KLHL2: variants seen among roughly 807,000 people sequenced by gnomAD.
KLHL2 encodes kelch-like protein 2.
KLHL2 carries 15 observed loss-of-function variants against 75.8 expected under a neutral mutation model. The ratio of observed to expected loss-of-function variants is 0.20; its 90% CI spans 0.13 to 0.30. The LOEUF is 0.30. Among genes scored for constraint, KLHL2 ranks in the 10% least tolerant of loss-of-function variants. KLHL2 has a pLI of 1.00. For missense variants in KLHL2, 381 were observed against 741.0 expected, an observed-to-expected ratio of 0.51 and a Z score of 5.64; for synonymous variants, 214 against 251.9, an observed-to-expected ratio of 0.85 and a Z score of 1.42.
chr4:165,310,375 C>T (rs567669234), intron 9 of KLHL2, among the ~76,000 whole-genome samples, 178 bp from the exon 10 acceptor site: 19 of 152,200 alleles, frequency 1.2e-4, no homozygotes, highest in Admixed American at 9.8e-4. Context: ...GAAAGAAAGA[C>T]AATTTAGTGA....
At position 165,207,785 on chromosome 4, in the gene KLHL2, G is replaced by A; in HGVS notation, c.-92G>A. The A allele has an allele frequency of 8.5e-7, 1 of 1,178,080 alleles. No individual in the cohort carries two copies. The highest frequency in any genetic ancestry group is 1.6e-5 in the South Asian group (1 of 63,666). 73.0% of individuals were successfully genotyped at this position (1,178,080 alleles called of 1,614,324 possible). ...CCCCCTCCGGGGCGGATGGAACGCG[G>A]CTCGGCGGGCGGGCAGTGCCGGCGT... On this transcript the variant is annotated 5_prime_UTR_variant, in exon 1 of 15. Coordinates refer to ENST00000226725, the MANE Select transcript of KLHL2 (RefSeq NM_007246.4). This position sits in a 1 kb window ranked among gnomAD's most constrained non-coding sequence, Gnocchi z 4.2.
At chr4:165,310,923 C>T (rs527752041) in intron 10 of KLHL2, among the ~76,000 whole-genome samples, 173 bp downstream of exon 10, 7 of 148,828 alleles carry the variant, frequency 4.7e-5, no homozygotes, top group East Asian at 4.0e-4. Context: ...GGCGCAATCT[C>T]GGCTCACTGC....
At chr4:165,258,321 T>G (rs1349702377) in intron 4 of KLHL2, among the ~76,000 whole-genome samples, 2 of 151,930 alleles carry the variant, frequency 1.3e-5, no homozygotes, top group Admixed American at 1.3e-4. Context: ...GGGCAGAATT[T>G]TTTTTTTCAT....
Position 165,263,070 on chromosome 4 carries a change from A to G in KLHL2, c.382-127A>G, listed in dbSNP as rs868239437. 4.6e-6 allele frequency: 3 copies of G among 653,310 alleles called. No homozygotes were observed. The South Asian group carries it at 7.4e-5, about 16-fold the overall frequency. 40.5% of individuals were successfully genotyped at this position (653,310 alleles called of 1,614,324 possible). Reference sequence around the variant, plus strand: ...AAAATAATTTTTATATTTGTTTTCTAGGGAATATGGGGGTATGGACGCAGA... The same window carrying G: ...AAAATAATTTTTATATTTGTTTTCTGGGGAATATGGGGGTATGGACGCAGA... On this transcript the variant is annotated intron_variant, in intron 4 of 14. Coordinates refer to ENST00000226725, the MANE Select transcript of KLHL2 (RefSeq NM_007246.4).
intron 7 of KLHL2, among the ~76,000 whole-genome samples, chr4:165,298,659 G>A (rs1166223295): frequency 6.6e-6 from 1 of 151,918 alleles, no homozygotes; most frequent in Non-Finnish European, 1.5e-5. Context: ...ATCCAAAAGG[G>A]TGGGTGCGGT....
chr4:165,270,270 T>C (rs1742582328), intron 5 of KLHL2, among the ~76,000 whole-genome samples: 1 of 152,192 alleles, frequency 6.6e-6, no homozygotes, highest in African/African-American at 2.4e-5. Flanking sequence ...TAGAACGTGC[T>C]CCTTTAGCTC....
chr4:165,250,696 G>A (rs1740632565), intron 4 of KLHL2, among the ~76,000 whole-genome samples: 1 of 152,158 alleles, frequency 6.6e-6, no homozygotes, highest in Non-Finnish European at 1.5e-5. Context: ...CTCTATAAAT[G>A]TTGAGCAGAA....
intron 3 of KLHL2, among the ~76,000 whole-genome samples, chr4:165,229,844 A>G (rs1218539170): frequency 5.3e-5 from 8 of 152,278 alleles, no homozygotes; most frequent in Non-Finnish European, 8.8e-5. Flanking sequence ...TACACAGATG[A>G]AGATGAGTGT....
chr4:165,272,713 C>T (rs907433235), intron 5 of KLHL2, among the ~76,000 whole-genome samples: 1 of 151,814 alleles, frequency 6.6e-6, no homozygotes, highest in African/African-American at 2.4e-5. Flanking sequence ...AACTCATTTA[C>T]TGTGTTTTTA....
At chr4:165,240,276 T>C (rs1254342495) in intron 4 of KLHL2, 2 of 152,230 alleles carry the variant, frequency 1.3e-5, no homozygotes, top group Non-Finnish European at 2.9e-5. Context: ...AATAGGAAGT[T>C]GTTGGCTCAA....
At chr4:165,321,924 T>G in intron 14 of KLHL2, 108 bp from the exon 15 acceptor site, 1 of 947,588 alleles carries the variant, frequency 1.1e-6, no homozygotes, top group Admixed American at 1.9e-5. Flanking sequence ...GAAACATGAT[T>G]TGTACAGTTC....
chr4:165,214,736 A>G (rs200578288), intron 1 of KLHL2, among the ~76,000 whole-genome samples: 1 of 152,104 alleles, frequency 6.6e-6, no homozygotes, highest in East Asian at 1.9e-4. Context: ...AACTGCTAAT[A>G]TATTTTAGTA....
chr4:165,264,345 G>A (rs532225514), intron 5 of KLHL2, among the ~76,000 whole-genome samples: 5 of 151,234 alleles, frequency 3.3e-5, no homozygotes, highest in Admixed American at 2.0e-4. Context: ...TACTCTAATC[G>A]GTAGTTTTTC....
chr4:165,251,800 G>A (rs1266085778), intron 4 of KLHL2, among the ~76,000 whole-genome samples: 1 of 151,576 alleles, frequency 6.6e-6, no homozygotes, highest in African/African-American at 2.4e-5. Flanking sequence ...TAGTAGAGAC[G>A]GGGTTTCACC....
At chr4:165,222,755 G>A (rs1329692649) in intron 2 of KLHL2, among the ~76,000 whole-genome samples, 3 of 152,070 alleles carry the variant, frequency 2.0e-5, no homozygotes, top group East Asian at 1.9e-4. Flanking sequence ...CTGTCCTTGC[G>A]TCAACTTCCT....
chr4:165,297,834 G>A, intron 7 of KLHL2, 109 bp downstream of exon 7: 2 of 786,658 alleles, frequency 2.5e-6, no homozygotes, highest in Non-Finnish European at 4.6e-6. Flanking sequence ...CAGATCTGTG[G>A]AGTACAGGAC....
In KLHL2 at chr4:165,305,738, C is replaced by T; in HGVS notation, c.1039+13C>T. 7 of 1,537,460 alleles carry T rather than the reference C, an allele frequency of 4.6e-6. No homozygotes were observed. The highest frequency in any genetic ancestry group is 6.3e-6 in the Non-Finnish European group (7 of 1,109,976). ...AGGTGCAGGGCAGGTAAGCATGATG[C>T]ATCATGGTCAATTCTCTACTCCTGG... On this transcript the variant is annotated intron_variant, in intron 9 of 14. Transcript: ENST00000226725.
intron 5 of KLHL2, among the ~76,000 whole-genome samples, chr4:165,285,004 C>T (rs1743978041): frequency 6.6e-6 from 1 of 152,138 alleles, no homozygotes; most frequent in African/African-American, 2.4e-5. Context: ...CCACATAATT[C>T]AATCATCTCC....
chr4:165,240,798 T>A (rs1739759030), intron 4 of KLHL2, among the ~76,000 whole-genome samples: 1 of 152,242 alleles, frequency 6.6e-6, no homozygotes, highest in South Asian at 2.1e-4. Flanking sequence ...ATGGGCCACA[T>A]GGGAGAAAAT....
Sources: gnomAD v4.1 joint callset for allele counts (sites outside exome capture counted in the v4.1 genomes callset) on GRCh38, gnomAD v4.1.1 for gene constraint, Gnocchi (gnomAD v3.1) non-coding constraint, MANE v1.5 for transcripts, NCBI Gene and HGNC (gene_info 2026-07-23, HGNC 2026-07-21) for gene names.